The following KIFAP3 variants were observed in gnomAD, a reference collection of about 807,000 sequenced individuals.
KIFAP3 encodes the protein kinesin-associated protein 3.
Under a neutral mutation model 106.5 loss-of-function variants are expected in KIFAP3, and 68 were observed. That is an observed-to-expected ratio of 0.64 (90% CI 0.53 to 0.78). KIFAP3 has a LOEUF of 0.78. Ranked by LOEUF, KIFAP3 falls within the 30% of genes least tolerant of loss-of-function variation. The pLI, the probability that KIFAP3 is intolerant of heterozygous loss-of-function variation, is 0.00. For synonymous variants in KIFAP3, 320 were observed against 311.5 expected, an observed-to-expected ratio of 1.03 and a Z score of -0.29; for missense variants, 780 against 941.8, an observed-to-expected ratio of 0.83 and a Z score of 2.25.
At position 170,055,518 on chromosome 1, in the gene KIFAP3, C is replaced by T. The variant is rs1011764902; in HGVS notation, c.33-82G>A. ...TTTTTATCTATTTTTAGGTCTATAA[C>T]GTGGGTTGGATTAACATGTGCATTT... On this transcript the variant is annotated intron_variant, in intron 1 of 19. Coordinates refer to ENST00000361580, the MANE Select transcript of KIFAP3 (RefSeq NM_014970.4). 1.3e-5 allele frequency: 15 copies of T among 1,136,842 alleles called. No homozygotes were observed. The East Asian group carries it at 2.3e-4, about 18-fold the overall frequency. The allele number at this position is 1,136,842 out of a possible 1,614,324, so 70.4% of individuals were successfully genotyped here.
intron 16 of KIFAP3, among the ~76,000 whole-genome samples, chr1:169,974,507 T>C (rs1017263412): frequency 1.3e-5 from 2 of 152,068 alleles, no homozygotes; most frequent in African/African-American, 4.8e-5. Context: ...TACATGGCTA[T>C]ATTGCATAGT....
chr1:170,026,981 A>AC (rs1426066743), intron 8 of KIFAP3, among the ~76,000 whole-genome samples: 1 of 149,804 alleles, frequency 6.7e-6, no homozygotes, highest in East Asian at 2.0e-4. Flanking sequence ...AAAAAAGTCC[A>AC]CCTACAACAA....
At chr1:170,033,092 G>A (rs369010143) in intron 7 of KIFAP3, among the ~76,000 whole-genome samples, 20 of 151,670 alleles carry the variant, frequency 1.3e-4, no homozygotes, top group African/African-American at 4.3e-4. Flanking sequence ...CTGATGTAAA[G>A]TCTCTAGGAT....
rs919361374 is a variant in KIFAP3, at chr1:170,049,639, G to C, written c.165-2773C>G. On this transcript the variant is annotated intron_variant, in intron 2 of 19. Transcript: ENST00000361580. ...TCTGGGACGAAGCTTCCAGGGGAAGGAGCAGGCAGTAATCTTTGCTGTTCA... is the reference window on the plus strand; with the variant it reads ...TCTGGGACGAAGCTTCCAGGGGAAGCAGCAGGCAGTAATCTTTGCTGTTCA... Among the ~76,000 whole-genome samples the C allele has an allele frequency of 2.0e-5, 3 of 152,208 alleles. No individual in the cohort carries two copies. The South Asian group carries it at 6.2e-4, about 32-fold the overall frequency.
At chr1:169,988,677 AATTTC>A (rs1440327931) in intron 11 of KIFAP3, among the ~76,000 whole-genome samples, 1 of 151,918 alleles carries the variant, frequency 6.6e-6, no homozygotes, top group Admixed American at 6.6e-5. Context: ...GAAACTTGGA[AATTTC>A]ATTTAATTTC....
At chr1:170,046,316 C>T (rs1166153809) in intron 3 of KIFAP3, among the ~76,000 whole-genome samples, 1 of 150,314 alleles carries the variant, frequency 6.7e-6, no homozygotes, top group Non-Finnish European at 1.5e-5. Flanking sequence ...TTACATAATC[C>T]ATCCAAATGA....
chr1:170,033,722 T>C (rs1669534768), intron 7 of KIFAP3, among the ~76,000 whole-genome samples: 1 of 151,756 alleles, frequency 6.6e-6, no homozygotes, highest in African/African-American at 2.4e-5. Context: ...AAGACTATTA[T>C]AATAAACAGA....
At chr1:169,982,191 A>G (rs978811889) in intron 14 of KIFAP3, 94 bp from the exon 15 acceptor site, 2 of 1,267,040 alleles carry the variant, frequency 1.6e-6, no homozygotes, top group African/African-American at 3.0e-5. Context: ...AAGGATACTG[A>G]AAGCTATTAA....
rs754403097 is a variant in KIFAP3 at position 170,074,404 on chromosome 1, G to A, written c.32+32C>T. On this transcript the variant is annotated intron_variant, in intron 1 of 19. Transcript: ENST00000361580. ...AGAACATCTTCAGGGCCCTGGCAAGGAGGGTAGGACAGAGCCTTGGGGAGT... is the reference window on the plus strand; with the variant it reads ...AGAACATCTTCAGGGCCCTGGCAAGAAGGGTAGGACAGAGCCTTGGGGAGT... The A allele has an allele frequency of 1.6e-5, 25 of 1,612,186 alleles. No homozygotes were observed. In the South Asian group the frequency reaches 2.5e-4, roughly 16 times the overall value.
intron 12 of KIFAP3, 60 bp downstream of exon 12, chr1:169,984,522 T>G: frequency 1.4e-6 from 1 of 699,956 alleles, no homozygotes; most frequent in Non-Finnish European, 2.5e-6. Flanking sequence ...TTATATCTAT[T>G]TTCCATCATA....
intron 19 of KIFAP3, among the ~76,000 whole-genome samples, chr1:169,949,630 T>C (rs141794263): frequency 6.6e-6 from 1 of 152,274 alleles, no homozygotes; most frequent in East Asian, 1.9e-4. Context: ...ATACATGGTA[T>C]ACATAACTGG....
At chr1:170,058,075 A>C (rs750478928) in intron 1 of KIFAP3, among the ~76,000 whole-genome samples, 8 of 152,112 alleles carry the variant, frequency 5.3e-5, no homozygotes, top group Non-Finnish European at 8.8e-5. Flanking sequence ...AGTGTTCTTA[A>C]TTATTAACTT....
chr1:170,015,162 A>C (rs1668442632), intron 10 of KIFAP3, among the ~76,000 whole-genome samples: 1 of 152,324 alleles, frequency 6.6e-6, no homozygotes, highest in Middle Eastern at 3.4e-3. Flanking sequence ...ATCTCTTTTA[A>C]ATCATACATT....
At chr1:170,001,905 T>C (rs574465473) in intron 10 of KIFAP3, among the ~76,000 whole-genome samples, 3 of 152,282 alleles carry the variant, frequency 2.0e-5, no homozygotes, top group East Asian at 1.9e-4. Flanking sequence ...TTCTTTATGA[T>C]GCTGTTGGTA....
intron 8 of KIFAP3, among the ~76,000 whole-genome samples, chr1:170,028,879 T>C (rs1669252911): frequency 6.6e-6 from 1 of 151,576 alleles, no homozygotes; most frequent in Non-Finnish European, 1.5e-5. Context: ...AAGCTAACAA[T>C]GGAAATAAAA....
chr1:169,999,350 T>C (rs1160991603), intron 10 of KIFAP3, among the ~76,000 whole-genome samples: 3 of 152,216 alleles, frequency 2.0e-5, no homozygotes, highest in East Asian at 1.9e-4. Flanking sequence ...CTACAAATGG[T>C]AGACATTTCA....
chr1:170,040,665 A>T (rs1329024916), intron 3 of KIFAP3, among the ~76,000 whole-genome samples: 8 of 152,140 alleles, frequency 5.3e-5, no homozygotes. Flanking sequence ...GATTTATTGG[A>T]CTATGCGATC....
chr1:169,956,589 T>A (rs1187025551), intron 18 of KIFAP3, among the ~76,000 whole-genome samples: 4 of 148,772 alleles, frequency 2.7e-5, no homozygotes, highest in Middle Eastern at 3.5e-3. Flanking sequence ...AAAAAAAGAG[T>A]AAATTTATAC....
intron 1 of KIFAP3, among the ~76,000 whole-genome samples, chr1:170,065,835 T>C (rs1339211968): frequency 6.6e-6 from 1 of 152,198 alleles, no homozygotes; most frequent in African/African-American, 2.4e-5. Context: ...TGGCTATGTA[T>C]TTGATGATGC....
Sources: allele counts gnomAD v4.1 joint callset (sites outside exome capture counted in the v4.1 genomes callset), GRCh38; gene constraint gnomAD v4.1.1; transcripts MANE v1.5; gene names NCBI Gene and HGNC (gene_info 2026-07-23, HGNC 2026-07-21).